Variants in UBE2Q2 observed in about 807,000 individuals in gnomAD.
The protein encoded by UBE2Q2 is ubiquitin-conjugating enzyme E2 Q2.
A neutral mutation model predicts 59.9 loss-of-function variants in UBE2Q2; 54 were observed. That is an observed-to-expected ratio of 0.90 (90% confidence interval 0.72 to 1.13). The LOEUF is 1.13. Ranked by LOEUF, UBE2Q2 falls within the 50% of genes most tolerant of loss-of-function variation. The pLI is 0.00. For missense variants in UBE2Q2, 433 were observed against 441.9 expected (o/e 0.98, Z 0.18); for synonymous variants, 165 against 155.2 (o/e 1.06, Z -0.47).
chr15:75,895,234 A>G (rs1899338905), intron 11 of UBE2Q2: 1 of 151,802 alleles, frequency 6.6e-6, no homozygotes. Context: ...CCCAGGCTGG[A>G]GTGCAATGGT....
At chr15:75,852,996 G>A (rs1282148100) in intron 1 of UBE2Q2, among the ~76,000 whole-genome samples, 6 of 152,180 alleles carry the variant, frequency 3.9e-5, no homozygotes, top group Non-Finnish European at 8.8e-5. Flanking sequence ...AATCGTTTCT[G>A]TGAAATTGTT....
chr15:75,857,903 A>T (rs754446024), intron 2 of UBE2Q2, among the ~76,000 whole-genome samples: 21 of 152,292 alleles, frequency 1.4e-4, no homozygotes, highest in Non-Finnish European at 2.5e-4. Flanking sequence ...GCTTGTTTAT[A>T]CTTTTTTCTT....
At chr15:75,875,672 A>G (rs1595882880) in intron 5 of UBE2Q2, among the ~76,000 whole-genome samples, 2 of 152,222 alleles carry the variant, frequency 1.3e-5, no homozygotes, top group South Asian at 2.1e-4. Flanking sequence ...ACTTTTTCAC[A>G]TGAGAAGAAA....
chr15:75,883,320 T>C, intron 8 of UBE2Q2, 46 bp from the exon 9 acceptor site: 2 of 1,508,108 alleles, frequency 1.3e-6, no homozygotes, highest in Non-Finnish European at 1.8e-6. Context: ...AGTATAACAC[T>C]AAGGATGTTC....
At chr15:75,887,632 C>T (rs1362862677) in intron 9 of UBE2Q2, among the ~76,000 whole-genome samples, 1 of 149,352 alleles carries the variant, frequency 6.7e-6, no homozygotes, top group Non-Finnish European at 1.5e-5. Context: ...TTCTGTATAA[C>T]TGGTTGAGGA....
chr15:75,880,805 T>G (rs188859926), intron 8 of UBE2Q2, among the ~76,000 whole-genome samples: 2 of 152,302 alleles, frequency 1.3e-5, no homozygotes, highest in East Asian at 3.9e-4. Flanking sequence ...CTGGATGAGA[T>G]GTAATGGTTT....
chr15:75,869,723 GCATCA>G (rs1457763525), intron 4 of UBE2Q2, among the ~76,000 whole-genome samples: 2 of 152,188 alleles, frequency 1.3e-5, no homozygotes, highest in Non-Finnish European at 2.9e-5. Context: ...CCTCTTAATA[GCATCA>G]CATTGGCAAC....
chr15:75,870,072 CT>C (rs1262265251), intron 4 of UBE2Q2, among the ~76,000 whole-genome samples: 9 of 151,892 alleles, frequency 5.9e-5, no homozygotes, highest in African/African-American at 2.2e-4. Flanking sequence ...GTGTTGTAGG[CT>C]TGTTTTGTTT....
chr15:75,881,235 C>CT (rs111487358), intron 8 of UBE2Q2, among the ~76,000 whole-genome samples: 1,862 of 146,548 alleles, frequency 0.013, 27 homozygotes, highest in African/African-American at 0.038. Flanking sequence ...GAAATAGAAC[C>CT]TTTTTTTTTT....
chr15:75,899,620 G>GA lies in UBE2Q2; in HGVS notation c.*162_*163insA, dbSNP rs1899647494. The GA allele has an allele frequency of 1.8e-6, 1 of 548,220 alleles. No individual in the cohort carries two copies. The highest frequency in any genetic ancestry group is 2.0e-5 in the African/African-American group (1 of 50,216). 34.0% of individuals were successfully genotyped at this position (548,220 alleles called of 1,614,324 possible). On this transcript the variant is annotated 3_prime_UTR_variant, in exon 13 of 13. Coordinates refer to ENST00000267938, the MANE Select transcript of UBE2Q2 (RefSeq NM_173469.4). ...CATCTGACATCCAGTATAAGTTACA[G>GA]CCTTTGCATTTTGCTCATTTTAGAT... is the stretch of plus-strand genomic sequence containing the variant.
At chr15:75,868,794 A>G (rs1040624543) in intron 3 of UBE2Q2, among the ~76,000 whole-genome samples, 157 bp from the exon 4 acceptor site, 4 of 152,214 alleles carry the variant, frequency 2.6e-5, no homozygotes, top group Non-Finnish European at 5.9e-5. Context: ...TGTTAGTCAA[A>G]GCTGGATTTA....
intron 2 of UBE2Q2, 53 bp from the exon 3 acceptor site, chr15:75,859,825 G>A: frequency 2.3e-6 from 3 of 1,306,178 alleles, no homozygotes; most frequent in Non-Finnish European, 3.2e-6. Context: ...CATTATTGAT[G>A]TCTTCTAAGG....
At chr15:75,879,487 T>C (rs553519217) in intron 8 of UBE2Q2, among the ~76,000 whole-genome samples, 8 of 152,364 alleles carry the variant, frequency 5.3e-5, no homozygotes, top group Non-Finnish European at 8.8e-5. Context: ...TGGGTGGATC[T>C]TGAACACAGT....
chr15:75,853,127 A>G (rs1289924154), intron 1 of UBE2Q2, among the ~76,000 whole-genome samples: 1 of 152,242 alleles, frequency 6.6e-6, no homozygotes, highest in Non-Finnish European at 1.5e-5. Context: ...GTGAAAGCAC[A>G]TAATGCTTAG....
chr15:75,877,695 T>G (rs1006166286), intron 6 of UBE2Q2, among the ~76,000 whole-genome samples: 1 of 152,160 alleles, frequency 6.6e-6, no homozygotes, highest in Non-Finnish European at 1.5e-5. Flanking sequence ...TACATATGAT[T>G]TTGCATAATC....
At position 75,890,519 on chromosome 15, in the gene UBE2Q2, A is replaced by T. The variant is rs757438837; in HGVS notation, c.933+36A>T. ...TTACGATACTCCATTTTCACCCACA[A>T]TTTAGTGTTTTGATCATGTAAATTA... On this transcript the variant is annotated intron_variant, in intron 10 of 12. Transcript: ENST00000267938. 4.4e-6 allele frequency: 7 copies of T among 1,587,054 alleles called. No individual in the cohort carries two copies. The African/African-American group carries it at 9.5e-5, about 21-fold the overall frequency.
At chr15:75,854,339 G>A (rs1466295900) in intron 1 of UBE2Q2, 47 bp from the exon 2 acceptor site, 3 of 1,454,214 alleles carry the variant, frequency 2.1e-6, no homozygotes, top group Non-Finnish European at 1.9e-6. Flanking sequence ...TGCATATTTG[G>A]GTTAGTCTGT....
At chr15:75,871,529 C>A (rs1351163497) in intron 4 of UBE2Q2, among the ~76,000 whole-genome samples, 1 of 152,218 alleles carries the variant, frequency 6.6e-6, no homozygotes. Context: ...CGGCCTTCCG[C>A]AGTGTTTGTG....
chr15:75,855,087 G>T (rs1293431468), intron 2 of UBE2Q2, among the ~76,000 whole-genome samples: 2 of 151,934 alleles, frequency 1.3e-5, no homozygotes, highest in Non-Finnish European at 2.9e-5. Flanking sequence ...TTGACATGAT[G>T]GTTATTTTCT....
Sources: allele counts gnomAD v4.1 joint callset (sites outside exome capture counted in the v4.1 genomes callset), GRCh38; gene constraint gnomAD v4.1.1; transcripts MANE v1.5; gene names NCBI Gene and HGNC (gene_info 2026-07-23, HGNC 2026-07-21).